MTHFD1L: variants seen among roughly 807,000 people sequenced by gnomAD.
MTHFD1L encodes monofunctional C1-tetrahydrofolate synthase, mitochondrial.
Under a neutral mutation model 119.5 loss-of-function variants are expected in MTHFD1L, and 81 were observed. That is an observed-to-expected ratio of 0.68 (90% CI 0.57 to 0.82). The LOEUF is 0.82. Among genes scored for constraint, MTHFD1L ranks in the 40% least tolerant of loss-of-function variants. The pLI, the probability that MTHFD1L is intolerant of heterozygous loss-of-function variation, is 0.00. For synonymous variants in MTHFD1L, 430 were observed against 475.2 expected, an observed-to-expected ratio of 0.90 and a Z score of 1.24; for missense variants, 1,125 against 1,253.4, an observed-to-expected ratio of 0.90 and a Z score of 1.55.
At chr6:151,065,049 C>T (rs948344267) in intron 26 of MTHFD1L, among the ~76,000 whole-genome samples, 6 of 152,164 alleles carry the variant, frequency 3.9e-5, no homozygotes, top group African/African-American at 1.4e-4. Flanking sequence ...GGTGATCCAC[C>T]CGCCTTGGAC....
chr6:151,009,174 C>T (rs1326346511), intron 20 of MTHFD1L, among the ~76,000 whole-genome samples: 3 of 148,480 alleles, frequency 2.0e-5, no homozygotes, highest in Non-Finnish European at 4.5e-5. Context: ...TGTAATCATA[C>T]TATCATTGCC....
rs9371488 is a variant in MTHFD1L, at chr6:151,025,605, C to T, written c.2587-8888C>T. On this transcript the variant is annotated intron_variant, in intron 24 of 27. Transcript: ENST00000367321. ...CAACTTACAAGTTTATTAATTGATC[C>T]TTCTCTTTACATGTTTTACGGGACT... Among the ~76,000 whole-genome samples the T allele has an allele frequency of 1.1e-4, 16 of 152,276 alleles. No individual in the cohort carries two copies. The East Asian group carries it at 3.1e-3, about 29-fold the overall frequency.
intron 26 of MTHFD1L, among the ~76,000 whole-genome samples, chr6:151,037,470 C>T (rs766258529): frequency 6.6e-6 from 1 of 152,104 alleles, no homozygotes; most frequent in Non-Finnish European, 1.5e-5. Flanking sequence ...AAAATGATGT[C>T]ATCACGGTGG....
chr6:150,974,857 C>T (rs1776325021), intron 20 of MTHFD1L, among the ~76,000 whole-genome samples: 1 of 152,050 alleles, frequency 6.6e-6, no homozygotes, highest in Non-Finnish European at 1.5e-5. Flanking sequence ...CTACCTCAGC[C>T]TCCCGAGTAG....
intron 20 of MTHFD1L, among the ~76,000 whole-genome samples, chr6:150,972,879 T>C (rs978388034): frequency 6.6e-6 from 1 of 152,224 alleles, no homozygotes; most frequent in African/African-American, 2.4e-5. Context: ...TCAAGTTCTT[T>C]GCAGAACCTG....
At chr6:151,067,442 G>C (rs1042090346) in intron 26 of MTHFD1L, among the ~76,000 whole-genome samples, 2 of 151,924 alleles carry the variant, frequency 1.3e-5, no homozygotes, top group Non-Finnish European at 2.9e-5. Context: ...TCGTGCCTCA[G>C]CCTCCTGTGT....
rs555239205 is a variant in MTHFD1L at position 151,077,089 on chromosome 6, C to T, written c.2848-15378C>T. Among the ~76,000 whole-genome samples, 10 of 152,156 alleles carry T rather than the reference C, an allele frequency of 6.6e-5. No individual in the cohort carries two copies. In the South Asian group the frequency reaches 2.1e-3, roughly 32 times the overall value. ...CCTAACATCTAACTAATGGGAATTC[C>T]AATAAGACAGAAGAAACCAGAAGGG... On this transcript the variant is annotated intron_variant, in intron 26 of 27. Transcript: ENST00000367321.
intron 1 of MTHFD1L, among the ~76,000 whole-genome samples, chr6:150,873,491 C>A (rs910623889): frequency 1.3e-5 from 2 of 152,040 alleles, no homozygotes; most frequent in South Asian, 4.2e-4. Flanking sequence ...CTGTAGTATA[C>A]CTGTTTTACA....
At chr6:150,921,564 T>G (rs1018703531) in intron 9 of MTHFD1L, among the ~76,000 whole-genome samples, 1 of 152,200 alleles carries the variant, frequency 6.6e-6, no homozygotes, top group Non-Finnish European at 1.5e-5. Flanking sequence ...TTTATTCATT[T>G]ATTTTTAAAG....
chr6:150,998,281 A>G lies in MTHFD1L; in HGVS notation c.2126-11538A>G, dbSNP rs1780109415. ...TTGAGTTACTACATTGTACGATCTTATAATTGTAAAGTTTAAGATATTTTC... is the reference window on the plus strand; with the variant it reads ...TTGAGTTACTACATTGTACGATCTTGTAATTGTAAAGTTTAAGATATTTTC... On this transcript the variant is annotated intron_variant, in intron 20 of 27. Coordinates refer to ENST00000367321, the MANE Select transcript of MTHFD1L (RefSeq NM_015440.5). Among the ~76,000 whole-genome samples, 3 of 152,136 alleles carry G rather than the reference A, an allele frequency of 2.0e-5. No individual in the cohort carries two copies. In the South Asian group the frequency reaches 6.2e-4, roughly 32 times the overall value.
At chr6:151,000,754 G>T (rs1461941794) in intron 20 of MTHFD1L, among the ~76,000 whole-genome samples, 1 of 152,120 alleles carries the variant, frequency 6.6e-6, no homozygotes, top group Non-Finnish European at 1.5e-5. Context: ...GAGTTTATCT[G>T]CAGACAGCTG....
At chr6:151,022,751 G>A (rs1784119235) in intron 24 of MTHFD1L, among the ~76,000 whole-genome samples, 1 of 152,130 alleles carries the variant, frequency 6.6e-6, no homozygotes, top group Admixed American at 6.6e-5. Context: ...CTCTTCTCCT[G>A]TTGTGCATTA....
At chr6:151,022,156 T>G in intron 24 of MTHFD1L, 1 of 429,020 alleles carries the variant, frequency 2.3e-6, no homozygotes, top group Non-Finnish European at 4.9e-6. Flanking sequence ...TGGCCAGGGG[T>G]GTTTCCTCCT....
In MTHFD1L at chr6:150,927,537, A is replaced by C. The variant is rs147196612; in HGVS notation, c.1256+1242A>C. Among the ~76,000 whole-genome samples, 833 of 150,750 alleles carry C rather than the reference A, an allele frequency of 5.5e-3. 2 individuals carry two copies. Among genetic ancestry groups the C allele is most frequent in the South Asian group, 0.012 (55 of 4,762 alleles). ...AGTGGTGTGATCTCAGCTCACTGCA[A>C]ACTCTGCCTCCCGGGTTCAAGCGAT... On this transcript the variant is annotated intron_variant, in intron 11 of 27. Transcript: ENST00000367321.
At chr6:150,904,377 G>A (rs186721804) in intron 7 of MTHFD1L, among the ~76,000 whole-genome samples, 9 of 152,174 alleles carry the variant, frequency 5.9e-5, no homozygotes, top group Middle Eastern at 3.4e-3. Flanking sequence ...ACCATCAGTC[G>A]CCCTCTTGCT....
Position 150,936,957 on chromosome 6 carries a change from C to A in MTHFD1L, c.1393+17C>A. On this transcript the variant is annotated intron_variant, in intron 12 of 27. Transcript: ENST00000367321. ...GAGTGAAAGGTACTGTCTTTAACAA[C>A]TAGTGTACTTTTCAGGGCAAAGTTG... 3 of 1,610,168 alleles carry A rather than the reference C, an allele frequency of 1.9e-6. No homozygotes were observed. Among genetic ancestry groups the A allele is most frequent in the Non-Finnish European group, 2.5e-6 (3 of 1,176,956 alleles).
intron 7 of MTHFD1L, among the ~76,000 whole-genome samples, chr6:150,895,648 T>C (rs1447405848): frequency 6.7e-6 from 1 of 148,284 alleles, no homozygotes; most frequent in Non-Finnish European, 1.5e-5. Flanking sequence ...AGCTGAACTA[T>C]TACAAAGTCC....
At chr6:151,100,934 G>A (rs897741294) in intron 27 of MTHFD1L, among the ~76,000 whole-genome samples, 6 of 152,048 alleles carry the variant, frequency 3.9e-5, no homozygotes, top group Non-Finnish European at 5.9e-5. Flanking sequence ...CAAGGCAGGC[G>A]GATCACTTGA....
At chr6:150,938,668 C>T (rs753845095) in intron 12 of MTHFD1L, 31 bp from the exon 13 acceptor site, 90 of 1,600,794 alleles carry the variant, frequency 5.6e-5, no homozygotes, top group Middle Eastern at 1.8e-4. Flanking sequence ...CTTGGTGACC[C>T]GTTTGAAATG....
Sources: gnomAD v4.1 joint callset for allele counts (sites outside exome capture counted in the v4.1 genomes callset) on GRCh38, gnomAD v4.1.1 for gene constraint, MANE v1.5 for transcripts, NCBI Gene and HGNC (gene_info 2026-07-23, HGNC 2026-07-21) for gene names.